STX11: variants seen among roughly 807,000 people sequenced by gnomAD.
The protein encoded by STX11 is syntaxin-11.
Under a neutral mutation model 19.9 loss-of-function variants are expected in STX11, and 21 were observed. The observed-to-expected ratio is 1.06, with a 90% CI of 0.75 to 1.52. The LOEUF (loss-of-function observed/expected upper bound fraction) is 1.52, where lower values mean the gene tolerates loss of function less well. Ranked by LOEUF, STX11 falls within the 40% of genes most tolerant of loss-of-function variation. The pLI, the probability that STX11 is intolerant of heterozygous loss-of-function variation, is 0.00. For synonymous variants in STX11, 193 were observed against 174.4 expected (o/e 1.11, Z -0.84); for missense variants, 438 against 405.9 (o/e 1.08, Z -0.68).
chr6:144,187,903 A>G lies in STX11; in HGVS notation c.*412A>G, dbSNP rs1802105467. 3.0e-6 allele frequency: 1 copy of G among 331,658 alleles called. No homozygotes were observed. The allele number at this position is 331,658 out of a possible 1,614,324, so 20.5% of individuals were successfully genotyped here. ...TCATGATGGAAACTTCAGTTCATTT[A>G]CTTTGTCCTGAAAATTCCCTGGTTC... On this transcript the variant is annotated 3_prime_UTR_variant, in exon 2 of 2. Transcript: ENST00000367568. The surrounding 1 kb of genome is among the most constrained non-coding windows in gnomAD (Gnocchi z 5.6).
intron 1 of STX11, among the ~76,000 whole-genome samples, chr6:144,171,197 C>T (rs749209082): frequency 2.0e-5 from 3 of 152,210 alleles, no homozygotes; most frequent in African/African-American, 7.2e-5. Context: ...CCCTCCTATA[C>T]GTCCCTGAGT....
the STX11 span, among the ~76,000 whole-genome samples, chr6:144,140,233 TATATATATATATATATATATATTTATTTA>T: frequency 2.0e-5 from 1 of 49,400 alleles, no homozygotes; most frequent in African/African-American, 1.2e-4. Context: ...TATATATATA[TATATATATATATATATATATATTTATTTA>T]TTTATTTTTT....
At chr6:144,148,721 T>C (rs568991880), upstream of STX11, among the ~76,000 whole-genome samples, 2 of 152,270 alleles carry the variant, frequency 1.3e-5, no homozygotes, top group Admixed American at 1.3e-4. Context: ...GTCTCCTGAG[T>C]TTCTTCTAGG....
chr6:144,140,867 A>G, the STX11 span: 1 of 840,820 alleles, frequency 1.2e-6, no homozygotes, highest in Non-Finnish European at 1.4e-6. Context: ...AAATTCATCT[A>G]AATGAACAGA....
chr6:144,140,364 C>T, the STX11 span, among the ~76,000 whole-genome samples: 1 of 151,188 alleles, frequency 6.6e-6, no homozygotes, highest in Non-Finnish European at 1.5e-5. Flanking sequence ...AAGCGATTCT[C>T]CTGCCTCAGC....
In STX11 at chr6:144,160,121, G is replaced by A. The variant is rs1423196735; in HGVS notation, c.-6+9418G>A. Among the ~76,000 whole-genome samples, 1 of 152,126 alleles carries A rather than the reference G, an allele frequency of 6.6e-6. No homozygotes were observed. The highest frequency in any genetic ancestry group is 1.5e-5 in the Non-Finnish European group (1 of 68,022). On this transcript the variant is annotated intron_variant, in intron 1 of 1. Coordinates refer to ENST00000367568, the MANE Select transcript of STX11 (RefSeq NM_003764.4). The surrounding 1 kb of genome is among the most constrained non-coding windows in gnomAD (Gnocchi z 4.3). The stretch of plus-strand genomic sequence containing the variant: ...GGGTTCAAGTGATTCTCCTGCCTCA[G>A]CTTCCTAAGTAGCTAGGACTACAGG...
At position 144,180,061 on chromosome 6, in the gene STX11, A is replaced by G. The variant is rs553832881; in HGVS notation, c.-5-6562A>G. ...GCTGATCTCCATAATAAGCTTCACA[A>G]GGTTTGCTGTGTGCCTTGAGCTGCT... On this transcript the variant is annotated intron_variant, in intron 1 of 1. Transcript: ENST00000367568. The surrounding 1 kb of genome is among the most constrained non-coding windows in gnomAD (Gnocchi z 5.3). Among the ~76,000 whole-genome samples, 85 of 152,272 alleles carry G rather than the reference A, an allele frequency of 5.6e-4. No individual in the cohort carries two copies. The highest frequency in any genetic ancestry group is 1.9e-3 in the African/African-American group (78 of 41,532).
intron 1 of STX11, among the ~76,000 whole-genome samples, chr6:144,161,883 T>C (rs963493058): frequency 1.3e-5 from 2 of 152,216 alleles, no homozygotes; most frequent in Non-Finnish European, 2.9e-5. Flanking sequence ...TTATCTTTAC[T>C]CTGTTATTTT....
rs11155347 is a variant in STX11 at position 144,154,886 on chromosome 6, T to A, written c.-6+4183T>A. On this transcript the variant is annotated intron_variant, in intron 1 of 1. Transcript: ENST00000367568. The surrounding 1 kb of genome is among the most constrained non-coding windows in gnomAD (Gnocchi z 4.7). Reference sequence around the variant, plus strand: ...GAACTTGCTTTCCATTTGGGGCACCTGGGTAGATTCTTTTGTCTGAACAGC... The same window carrying A: ...GAACTTGCTTTCCATTTGGGGCACCAGGGTAGATTCTTTTGTCTGAACAGC... Among the ~76,000 whole-genome samples the A allele has an allele frequency of 0.32, 48,432 of 152,028 alleles. 8,045 individuals carry two copies. The highest frequency in any genetic ancestry group is 0.42 in the Middle Eastern group (124 of 294).
At chr6:144,146,459 T>C (rs1424628078), upstream of STX11, among the ~76,000 whole-genome samples, 3 of 152,202 alleles carry the variant, frequency 2.0e-5, no homozygotes, top group East Asian at 5.8e-4. This position sits in a 1 kb window ranked among gnomAD's most constrained non-coding sequence, Gnocchi z 4.4. Context: ...CCTGTCATTA[T>C]GTGCCACCAT....
chr6:144,150,929 T>C (rs1374354796), intron 1 of STX11, among the ~76,000 whole-genome samples: 3 of 152,198 alleles, frequency 2.0e-5, no homozygotes, highest in Non-Finnish European at 4.4e-5. Context: ...TTTTTTAAAA[T>C]TACTTTTAAT....
rs2128757201 is a variant in STX11 at position 144,187,085 on chromosome 6, A to C, written c.458A>C (p.Gln153Pro). 1.9e-6 allele frequency: 3 copies of C among 1,613,702 alleles called. No individual in the cohort carries two copies. The highest frequency in any genetic ancestry group is 1.7e-6 in the Non-Finnish European group (2 of 1,180,002). The change falls in exon 2 of 2, where the codon CAG becomes CCG. Residue 153 changes from glutamine to proline, a missense_variant. Physicochemically the swap from Gln to Pro is moderately conservative, Grantham distance 76. Transcript: ENST00000367568. The surrounding 1 kb of genome is among the most constrained non-coding windows in gnomAD (Gnocchi z 5.6). ...GACTACAACCAGGCCGAGATGAAGC[A>C]GCGCGACAACTGCAAGATCCGCATC... is the stretch of plus-strand genomic sequence containing the variant. ...MHDYNQAEMK[Q>P]RDNCKIRIQR... is the part of the protein sequence containing the mutation.
chr6:144,148,389 A>G (rs541873505), upstream of STX11, among the ~76,000 whole-genome samples: 3 of 152,304 alleles, frequency 2.0e-5, no homozygotes, highest in Non-Finnish European at 4.4e-5. Flanking sequence ...CTTATCTTAG[A>G]TGGCTTTGCA....
the STX11 span, among the ~76,000 whole-genome samples, chr6:144,144,364 T>C: frequency 5.3e-5 from 8 of 152,292 alleles, no homozygotes; most frequent in South Asian, 2.1e-4. Flanking sequence ...AGAGCAGCCA[T>C]TGAGGTACAA....
chr6:144,152,271 A>G lies in STX11; in HGVS notation c.-6+1568A>G, dbSNP rs1329717635. Among the ~76,000 whole-genome samples the G allele has an allele frequency of 6.6e-6, 1 of 152,200 alleles. No homozygotes were observed. Among genetic ancestry groups the G allele is most frequent in the African/African-American group, 2.4e-5 (1 of 41,444 alleles). On this transcript the variant is annotated intron_variant, in intron 1 of 1. Transcript: ENST00000367568. The surrounding 1 kb of genome is among the most constrained non-coding windows in gnomAD (Gnocchi z 4.9). ...ATTTAAATATGCTGGAAAATTCAAT[A>G]TAATGAGATAGGTGCTAGGGTAAAT... is the stretch of plus-strand genomic sequence containing the variant.
the STX11 span, among the ~76,000 whole-genome samples, chr6:144,142,216 C>T: frequency 1.3e-5 from 2 of 151,800 alleles, no homozygotes; most frequent in African/African-American, 4.8e-5. Context: ...GTGCTTAGCA[C>T]ATTGTAACCA....
At chr6:144,168,984 T>C (rs1801556336) in intron 1 of STX11, among the ~76,000 whole-genome samples, 1 of 152,242 alleles carries the variant, frequency 6.6e-6, no homozygotes, top group Admixed American at 6.5e-5. Flanking sequence ...TGTCATCCAG[T>C]GCAACTTCCC....
rs751806887 is a variant in STX11 at position 144,186,717 on chromosome 6, C to T, written c.90C>T (p.His30=). Residue 30 remains histidine (H), a synonymous_variant, in exon 2 of 2, where the codon CAC becomes CAT. Coordinates refer to ENST00000367568, the MANE Select transcript of STX11 (RefSeq NM_003764.4). ...PDGDDEFDSP[H]EDIVFETDHI... is the part of the protein sequence containing the mutation. ...GGGACGATGAGTTTGACTCGCCCCACGAGGACATCGTGTTCGAGACGGACC... is the reference window on the plus strand; with the variant it reads ...GGGACGATGAGTTTGACTCGCCCCATGAGGACATCGTGTTCGAGACGGACC... 4.3e-5 allele frequency: 70 copies of T among 1,614,050 alleles called. No homozygotes were observed. The South Asian group carries it at 5.5e-4, about 13-fold the overall frequency.
chr6:144,187,697 T>C lies in STX11; in HGVS notation c.*206T>C. 3.0e-6 allele frequency: 2 copies of C among 677,002 alleles called. No individual in the cohort carries two copies. The highest frequency in any genetic ancestry group is 5.1e-6 in the Non-Finnish European group (2 of 392,686). 41.9% of individuals were successfully genotyped at this position (677,002 alleles called of 1,614,324 possible). Reference sequence around the variant, plus strand: ...TTGATACCGTCCGATGATTCTTCAGTAAAGATAGATTCCCACAAAGTTGTG... The same window carrying C: ...TTGATACCGTCCGATGATTCTTCAGCAAAGATAGATTCCCACAAAGTTGTG... On this transcript the variant is annotated 3_prime_UTR_variant, in exon 2 of 2. Transcript: ENST00000367568. This position sits in a 1 kb window ranked among gnomAD's most constrained non-coding sequence, Gnocchi z 5.6.
Sources: allele counts gnomAD v4.1 joint callset (sites outside exome capture counted in the v4.1 genomes callset), GRCh38; gene constraint gnomAD v4.1.1; non-coding constraint Gnocchi (gnomAD v3.1); transcripts MANE v1.5; gene names NCBI Gene and HGNC (gene_info 2026-07-23, HGNC 2026-07-21).